HECTD4: variants seen among roughly 807,000 people sequenced by gnomAD.
HECTD4 encodes probable E3 ubiquitin-protein ligase HECTD4.
Under a neutral mutation model 471.5 loss-of-function variants are expected in HECTD4, and 114 were observed. The ratio of observed to expected loss-of-function variants is 0.24; its 90% CI spans 0.21 to 0.28. The LOEUF is 0.28. HECTD4 is among the 10% of genes least tolerant of loss of function. HECTD4 has a pLI of 1.00. For missense variants in HECTD4, 3,866 were observed against 5,651.5 expected (o/e 0.68, Z 10.13); for synonymous variants, 2,012 against 2,256.0 (o/e 0.89, Z 3.07).
chr12:112,373,108 TATAAC>T (rs1302955732), intron 1 of HECTD4, among the ~76,000 whole-genome samples: 1 of 152,174 alleles, frequency 6.6e-6, no homozygotes, highest in Non-Finnish European at 1.5e-5. Flanking sequence ...ATGATGATAG[TATAAC>T]ATAATAGTTC....
chr12:112,347,570 T>C (rs780718552), intron 1 of HECTD4, among the ~76,000 whole-genome samples: 2 of 152,148 alleles, frequency 1.3e-5, no homozygotes, highest in African/African-American at 4.8e-5. Context: ...AACCTAGCAA[T>C]TGAAATACAA....
chr12:112,375,290 A>C (rs2036755977), intron 1 of HECTD4, among the ~76,000 whole-genome samples: 1 of 152,182 alleles, frequency 6.6e-6, no homozygotes, highest in Non-Finnish European at 1.5e-5. Flanking sequence ...TTATCCATTC[A>C]CCTGCTGACG....
At chr12:112,346,813 T>C (rs1017192363) in intron 1 of HECTD4, among the ~76,000 whole-genome samples, 1 of 152,226 alleles carries the variant, frequency 6.6e-6, no homozygotes, top group Non-Finnish European at 1.5e-5. Context: ...GCTCTCCTTT[T>C]TTAAAATACG....
intron 48 of HECTD4, among the ~76,000 whole-genome samples, chr12:112,214,122 T>A (rs1233268844): frequency 6.6e-6 from 1 of 152,210 alleles, no homozygotes; most frequent in Non-Finnish European, 1.5e-5. Flanking sequence ...TTCCTACTTA[T>A]AAGCATTTAA....
intron 1 of HECTD4, among the ~76,000 whole-genome samples, chr12:112,333,877 C>A (rs1053609986): frequency 6.6e-6 from 1 of 152,008 alleles, no homozygotes; most frequent in Non-Finnish European, 1.5e-5. Context: ...GTATTCTACA[C>A]CTAGGTAAGC....
rs2034679109 is a variant in HECTD4, at chr12:112,283,206, G to T, written c.1432C>A (p.Leu478Ile). The change falls in exon 8 of 76, where the codon CTA becomes ATA. Residue 478 changes from leucine (L) to isoleucine (I), a missense_variant. By Grantham distance (5) the Leu-to-Ile change is conservative (BLOSUM62 2). This residue lies in a region of HECTD4 where 440 missense variants were observed against 636.0 expected (regional missense o/e 0.69). Transcript: ENST00000682272. Reference protein sequence around the residue: ...ESAKSINEMLLSRLSRYRASP... With the variant: ...ESAKSINEMLISRLSRYRASP... ...GCTCTATACCGAGAAAGTCTACTTA[G>T]AAGCATCTCATTAATGCTTTTGGCA... 2 of 1,613,606 alleles carry T rather than the reference G, an allele frequency of 1.2e-6. No individual in the cohort carries two copies. The highest frequency in any genetic ancestry group is 1.7e-6 in the Non-Finnish European group (2 of 1,179,628).
intron 2 of HECTD4, among the ~76,000 whole-genome samples, chr12:112,314,954 A>G (rs979060717): frequency 6.6e-6 from 1 of 152,228 alleles, no homozygotes; most frequent in African/African-American, 2.4e-5. Context: ...AAGTTCATTC[A>G]TTTGGAAAAA....
intron 64 of HECTD4, 38 bp downstream of exon 64, chr12:112,178,893 C>G: frequency 6.3e-7 from 1 of 1,576,934 alleles, no homozygotes; most frequent in Middle Eastern, 2.2e-4. Flanking sequence ...CCACATCTGC[C>G]CACAGGCTGG....
chr12:112,358,333 G>C (rs770226945), intron 1 of HECTD4, among the ~76,000 whole-genome samples: 4 of 152,012 alleles, frequency 2.6e-5, no homozygotes, highest in Non-Finnish European at 5.9e-5. Flanking sequence ...AAAGTATTAA[G>C]AGCTGGGTAC....
At chr12:112,287,563 G>A (rs1290372518) in intron 7 of HECTD4, among the ~76,000 whole-genome samples, 2 of 151,986 alleles carry the variant, frequency 1.3e-5, no homozygotes, top group Non-Finnish European at 2.9e-5. Context: ...AGCACATGGG[G>A]GCAGAAGACC....
chr12:112,227,526 T>C (rs1660096043), intron 43 of HECTD4, among the ~76,000 whole-genome samples: 1 of 152,232 alleles, frequency 6.6e-6, no homozygotes, highest in Non-Finnish European at 1.5e-5. Flanking sequence ...TAAATAAATG[T>C]ATTTGCAGGA....
chr12:112,269,578 A>G (rs1593994966), intron 13 of HECTD4, 126 bp downstream of exon 13: 10 of 1,012,286 alleles, frequency 9.9e-6, no homozygotes, highest in African/African-American at 4.9e-5. Context: ...ATTATCCCCA[A>G]TCCATGAGGT....
At chr12:112,187,822 T>C (rs569964470) in intron 60 of HECTD4, among the ~76,000 whole-genome samples, 54 of 148,938 alleles carry the variant, frequency 3.6e-4, no homozygotes, top group African/African-American at 1.3e-3. Context: ...GAGACACGGT[T>C]TCACTGTGTT....
At chr12:112,265,781 A>T in intron 15 of HECTD4, 97 bp downstream of exon 15, 2 of 830,760 alleles carry the variant, frequency 2.4e-6, no homozygotes, top group Non-Finnish European at 4.0e-6. Flanking sequence ...CGATCGTATT[A>T]GTTATAACAG....
At chr12:112,214,687 C>T (rs985108608) in intron 48 of HECTD4, among the ~76,000 whole-genome samples, 16 of 152,122 alleles carry the variant, frequency 1.1e-4, no homozygotes, top group Non-Finnish European at 2.9e-5. Context: ...ACACTGAAAA[C>T]GCTCCCCCAG....
At chr12:112,202,134 C>T (rs2032445721) in intron 54 of HECTD4, among the ~76,000 whole-genome samples, 1 of 152,136 alleles carries the variant, frequency 6.6e-6, no homozygotes, top group South Asian at 2.1e-4. Flanking sequence ...ACCTCAGTGA[C>T]CACCAGTCAA....
intron 1 of HECTD4, among the ~76,000 whole-genome samples, chr12:112,352,965 T>C (rs2036273042): frequency 6.6e-6 from 1 of 152,210 alleles, no homozygotes; most frequent in South Asian, 2.1e-4. Context: ...AGACCTTGTC[T>C]GTAATGAAGA....
rs1226892326 is a variant in HECTD4 at position 112,185,155 on chromosome 12, T to A, written c.9811A>T (p.Thr3271Ser). The A allele has an allele frequency of 6.4e-7, 1 of 1,552,684 alleles. No individual in the cohort carries two copies. Among genetic ancestry groups the A allele is most frequent in the Non-Finnish European group, 8.7e-7 (1 of 1,147,596 alleles). The change falls in exon 61 of 76, where the codon ACT becomes TCT. Residue 3271 changes from threonine to serine, a missense_variant. By Grantham distance (58) the Thr-to-Ser change is moderately conservative. Around this residue, in one of 16 missense-constraint regions of HECTD4, gnomAD observed 38 missense variants for 72.1 expected, o/e 0.53. Transcript: ENST00000682272. ...CCACTGGCTGTGACACTCATGTTAG[T>A]AGGCAGGGTCACTTCGGCCACAGCC... ...CLAVAEVTLP[T>S]NMSVTASGVT...
chr12:112,301,624 T>C (rs894327142), intron 7 of HECTD4, among the ~76,000 whole-genome samples: 1 of 152,222 alleles, frequency 6.6e-6, no homozygotes, highest in Non-Finnish European at 1.5e-5. Flanking sequence ...TATCTACTTG[T>C]CCTTTCTGAA....
Sources: gnomAD v4.1 joint callset for allele counts (sites outside exome capture counted in the v4.1 genomes callset) on GRCh38, gnomAD v4.1.1 for gene constraint, gnomAD v4.1.1 regional missense constraint, MANE v1.5 for transcripts, NCBI Gene and HGNC (gene_info 2026-07-23, HGNC 2026-07-21) for gene names.